The following TMEM232 variants were observed in gnomAD, a reference collection of about 807,000 sequenced individuals.
TMEM232 encodes transmembrane protein 232.
Under a neutral mutation model 78.8 loss-of-function variants are expected in TMEM232, and 80 were observed. That is an observed-to-expected ratio of 1.01 (90% confidence interval 0.85 to 1.22). The LOEUF (loss-of-function observed/expected upper bound fraction) is 1.22, where lower values mean the gene tolerates loss of function less well. Among genes scored for constraint, TMEM232 ranks in the 50% most tolerant of loss-of-function variants. The pLI is 0.00. For synonymous variants in TMEM232, 297 were observed against 254.3 expected, an observed-to-expected ratio of 1.17 and a Z score of -1.60; for missense variants, 881 against 742.2, an observed-to-expected ratio of 1.19 and a Z score of -2.17.
intron 8 of TMEM232, among the ~76,000 whole-genome samples, chr5:110,617,354 A>G (rs961871705): frequency 1.3e-5 from 2 of 150,928 alleles, no homozygotes; most frequent in African/African-American, 4.9e-5. Context: ...CTAGTGATCT[A>G]TTGTGCAGCA....
intron 2 of TMEM232, among the ~76,000 whole-genome samples, chr5:110,651,892 A>T (rs1788360379): frequency 6.6e-6 from 1 of 152,166 alleles, no homozygotes; most frequent in African/African-American, 2.4e-5. Flanking sequence ...ATAATGTAAT[A>T]TTAATGTACC....
intron 1 of TMEM232, among the ~76,000 whole-genome samples, chr5:110,714,479 G>A (rs1422621611): frequency 6.6e-6 from 1 of 152,110 alleles, no homozygotes; most frequent in Non-Finnish European, 1.5e-5. Flanking sequence ...TTCTCAGTTT[G>A]GGGTAAGTTT....
intron 12 of TMEM232, among the ~76,000 whole-genome samples, chr5:110,452,924 C>T (rs977383109): frequency 5.3e-5 from 8 of 152,272 alleles, no homozygotes; most frequent in African/African-American, 1.9e-4. Context: ...TGTGCACGTA[C>T]TCCTTACAAT....
chr5:110,410,489 GAT>G (rs1325793500), intron 2 of TMEM232, among the ~76,000 whole-genome samples: 4 of 152,078 alleles, frequency 2.6e-5, no homozygotes, highest in Admixed American at 1.3e-4. Flanking sequence ...CCTAAGAACT[GAT>G]ATAATATTTT....
intron 12 of TMEM232, among the ~76,000 whole-genome samples, chr5:110,523,975 G>T (rs1769972985): frequency 2.6e-5 from 3 of 114,254 alleles, no homozygotes; most frequent in Admixed American, 9.4e-5. Flanking sequence ...AAGGGGGGGG[G>T]GCGGGGGGGC....
At chr5:110,525,235 A>G (rs987489942) in intron 12 of TMEM232, among the ~76,000 whole-genome samples, 7 of 151,902 alleles carry the variant, frequency 4.6e-5, no homozygotes, top group African/African-American at 1.7e-4. Context: ...AGCTGATAAA[A>G]TACATAAAAG....
At chr5:110,407,485 T>C (rs1236638616) in intron 2 of TMEM232, among the ~76,000 whole-genome samples, 2 of 152,160 alleles carry the variant, frequency 1.3e-5, no homozygotes, top group Non-Finnish European at 2.9e-5. Flanking sequence ...ATCATAATTA[T>C]ATAAATATTT....
intron 12 of TMEM232, among the ~76,000 whole-genome samples, chr5:110,496,752 T>G (rs1246552236): frequency 2.0e-5 from 3 of 151,948 alleles, no homozygotes; most frequent in African/African-American, 7.2e-5. Flanking sequence ...TTTACCAAAT[T>G]TAGGTAGTTG....
At chr5:110,421,877 T>C (rs942983782) in intron 13 of TMEM232, among the ~76,000 whole-genome samples, 6 of 152,220 alleles carry the variant, frequency 3.9e-5, no homozygotes, top group Non-Finnish European at 7.4e-5. Context: ...GAGTTTTAAC[T>C]ACATAAGAAA....
intron 1 of TMEM232, among the ~76,000 whole-genome samples, chr5:110,735,719 C>T (rs142003731): frequency 0.012 from 1,853 of 152,272 alleles, 45 homozygotes; most frequent in African/African-American, 0.042. Flanking sequence ...TTGTGTTTCC[C>T]CCTTGCTGTC....
intron 2 of TMEM232, among the ~76,000 whole-genome samples, chr5:110,656,015 C>G (rs532909151): frequency 1.3e-5 from 2 of 151,588 alleles, no homozygotes; most frequent in Non-Finnish European, 2.9e-5. Context: ...ATGAACTAAC[C>G]TGCACATTGT....
chr5:110,523,104 C>T (rs1348308992), intron 12 of TMEM232, among the ~76,000 whole-genome samples: 3 of 152,080 alleles, frequency 2.0e-5, no homozygotes, highest in African/African-American at 2.4e-5. Flanking sequence ...TATGTTCAGA[C>T]TTTGTATTAC....
At chr5:110,463,783 C>T (rs552866438) in intron 12 of TMEM232, among the ~76,000 whole-genome samples, 1 of 152,284 alleles carries the variant, frequency 6.6e-6, no homozygotes, top group South Asian at 2.1e-4. Context: ...TTTCACTTCT[C>T]CTGCCCTACT....
chr5:110,500,550 T>C (rs1766152134), intron 12 of TMEM232, among the ~76,000 whole-genome samples: 2 of 152,232 alleles, frequency 1.3e-5, no homozygotes, highest in South Asian at 4.1e-4. Flanking sequence ...GAGGGAAATT[T>C]ATAGCAGTGA....
intron 11 of TMEM232, among the ~76,000 whole-genome samples, chr5:110,548,384 C>A (rs953414077): frequency 9.5e-5 from 14 of 147,514 alleles, no homozygotes; most frequent in African/African-American, 3.5e-4. Context: ...AATAATTAAT[C>A]TTAAATATTA....
chr5:110,432,021 A>G (rs867188839), intron 12 of TMEM232, among the ~76,000 whole-genome samples: 1 of 151,904 alleles, frequency 6.6e-6, no homozygotes, highest in African/African-American at 2.4e-5. Flanking sequence ...AACTTTAAAT[A>G]CTTGAGCTAC....
At chr5:110,536,023 G>A (rs902776174) in intron 11 of TMEM232, among the ~76,000 whole-genome samples, 4 of 152,194 alleles carry the variant, frequency 2.6e-5, no homozygotes, top group Non-Finnish European at 4.4e-5. Flanking sequence ...GACTGATCGT[G>A]GGTTAAGTCT....
intron 8 of TMEM232, among the ~76,000 whole-genome samples, chr5:110,616,458 C>T (rs992155382): frequency 6.6e-6 from 1 of 151,792 alleles, no homozygotes; most frequent in Non-Finnish European, 1.5e-5. Context: ...GAAACATTAA[C>T]AAAGTAAAGA....
At chr5:110,655,175 C>A (rs1050566871) in intron 2 of TMEM232, among the ~76,000 whole-genome samples, 27 of 152,006 alleles carry the variant, frequency 1.8e-4, no homozygotes, top group Admixed American at 4.6e-4. Flanking sequence ...GGCTATTATC[C>A]AGAATCTACA....
Sources: allele counts gnomAD v4.1 joint callset (sites outside exome capture counted in the v4.1 genomes callset), GRCh38; gene constraint gnomAD v4.1.1; transcripts MANE v1.5; gene names NCBI Gene and HGNC (gene_info 2026-07-23, HGNC 2026-07-21).